SPSB1: variants seen among roughly 807,000 people sequenced by gnomAD.
SPSB1 encodes SPRY domain-containing SOCS box protein 1.
SPSB1 carries 8 observed loss-of-function variants against 21.2 expected under a neutral mutation model. That is an observed-to-expected ratio of 0.38 (90% CI 0.22 to 0.68). The LOEUF is 0.68. Ranked by LOEUF, SPSB1 falls within the 30% of genes least tolerant of loss-of-function variation. The pLI is 0.53. For missense variants in SPSB1, 242 were observed against 377.8 expected (o/e 0.64, Z 2.98); for synonymous variants, 169 against 161.7 (o/e 1.05, Z -0.34).
rs111402956 is a variant in SPSB1, at chr1:9,348,225, G to A, written c.-149-7518G>A. Among the ~76,000 whole-genome samples the A allele has an allele frequency of 1.3e-4, 20 of 151,922 alleles. No homozygotes were observed. The highest frequency in any genetic ancestry group is 4.8e-4 in the African/African-American group (20 of 41,348). The stretch of plus-strand genomic sequence containing the variant: ...CTCTCAAAGTGCTGGGATTACAGGC[G>A]TGAGCCACCGCGGCAACTTTTTTTA... On this transcript the variant is annotated intron_variant, in intron 1 of 2. Transcript: ENST00000328089. This position sits in a 1 kb window ranked among gnomAD's most constrained non-coding sequence, Gnocchi z 4.8.
In SPSB1 at chr1:9,359,482, TC is replaced by T. The variant is rs1213247806; in HGVS notation, c.694+2898del. On this transcript the variant is annotated intron_variant, in intron 2 of 2. Transcript: ENST00000328089. ...ACTTTGGGAGGCTGAGGCAGGTGGA[TC>T]ATGAGGTCAGTAGTTGGAGACCAGC... is the stretch of plus-strand genomic sequence containing the variant. 2.6e-5 allele frequency among the ~76,000 whole-genome samples: 4 copies of T among 152,186 alleles called. No individual in the cohort carries two copies. In the South Asian group the frequency reaches 8.3e-4, roughly 32 times the overall value.
In SPSB1 at chr1:9,346,331, G is replaced by A. The variant is rs886911498; in HGVS notation, c.-149-9412G>A. Among the ~76,000 whole-genome samples, 20 of 152,142 alleles carry A rather than the reference G, an allele frequency of 1.3e-4. No homozygotes were observed. The highest frequency in any genetic ancestry group is 7.9e-4 in the Admixed American group (12 of 15,278). On this transcript the variant is annotated intron_variant, in intron 1 of 2. Transcript: ENST00000328089. The surrounding 1 kb of genome is among the most constrained non-coding windows in gnomAD (Gnocchi z 4.4). ...TGGTTTTACTGTTCTGGGGTCAGTCGGACACACTGTGGAGGAACTGGGTGT... is the reference window on the plus strand; with the variant it reads ...TGGTTTTACTGTTCTGGGGTCAGTCAGACACACTGTGGAGGAACTGGGTGT...
rs1640506498 is a variant in SPSB1, at chr1:9,363,105, A to AT, written c.695-4337dup. 6.6e-6 allele frequency among the ~76,000 whole-genome samples: 1 copy of AT among 152,082 alleles called. No homozygotes were observed. Among genetic ancestry groups the AT allele is most frequent in the South Asian group, 2.1e-4 (1 of 4,814 alleles). The stretch of plus-strand genomic sequence containing the variant: ...TGACCAGCTGAAATGGGGGCTGGGC[A>AT]TTTTTTCACGGCACGAAGCCCACGT... On this transcript the variant is annotated intron_variant, in intron 2 of 2. Transcript: ENST00000328089. The surrounding 1 kb of genome is among the most constrained non-coding windows in gnomAD (Gnocchi z 4.5).
chr1:9,322,894 C>T (rs1639744193), intron 1 of SPSB1, among the ~76,000 whole-genome samples: 1 of 142,426 alleles, frequency 7.0e-6, no homozygotes, highest in Non-Finnish European at 1.5e-5. Flanking sequence ...ACGCTCTTCT[C>T]AGCCCCTTTT....
At chr1:9,316,138 C>T (rs1405469568) in intron 1 of SPSB1, among the ~76,000 whole-genome samples, 2 of 152,302 alleles carry the variant, frequency 1.3e-5, no homozygotes, top group East Asian at 1.9e-4. Context: ...CTTCCTGACT[C>T]AGCCTTGCCC....
At chr1:9,349,032 G>A (rs1168290444) in intron 1 of SPSB1, among the ~76,000 whole-genome samples, 2 of 152,124 alleles carry the variant, frequency 1.3e-5, no homozygotes, top group African/African-American at 4.8e-5. Context: ...GGGAGAAGAA[G>A]TTCACTGAAG....
rs114205027 is a variant in SPSB1 at position 9,327,096 on chromosome 1, C to T, written c.-149-28647C>T. On this transcript the variant is annotated intron_variant, in intron 1 of 2. Transcript: ENST00000328089. ...TTCTTAGATGCATCTGCCGTCGTTT[C>T]GTGGGGAAGAGACTAGCACAACCCC... 5.3e-4 allele frequency among the ~76,000 whole-genome samples: 80 copies of T among 152,234 alleles called. No individual in the cohort carries two copies. The East Asian group carries it at 0.012, about 23-fold the overall frequency.
At chr1:9,337,863 G>A (rs1640029038) in intron 1 of SPSB1, among the ~76,000 whole-genome samples, 1 of 152,214 alleles carries the variant, frequency 6.6e-6, no homozygotes, top group Non-Finnish European at 1.5e-5. Context: ...AGATCAGCAT[G>A]GGGAAAAACA....
At chr1:9,297,256 T>G (rs1639241051) in intron 1 of SPSB1, among the ~76,000 whole-genome samples, 1 of 152,146 alleles carries the variant, frequency 6.6e-6, no homozygotes, top group African/African-American at 2.4e-5. Flanking sequence ...CTTGGAAAAC[T>G]AGGGAGGCAT....
chr1:9,337,263 TC>T (rs1429996576), intron 1 of SPSB1, among the ~76,000 whole-genome samples: 1 of 151,894 alleles, frequency 6.6e-6, no homozygotes, highest in Non-Finnish European at 1.5e-5. Flanking sequence ...TCAATGGCCT[TC>T]CCCCTCCAAG....
At chr1:9,337,661 A>G (rs1640025800) in intron 1 of SPSB1, among the ~76,000 whole-genome samples, 1 of 152,206 alleles carries the variant, frequency 6.6e-6, no homozygotes, top group African/African-American at 2.4e-5. Context: ...GCATCCGCTC[A>G]GAGCCTCAGG....
chr1:9,336,146 G>A (rs1168415984), intron 1 of SPSB1, among the ~76,000 whole-genome samples: 1 of 152,132 alleles, frequency 6.6e-6, no homozygotes, highest in Admixed American at 6.5e-5. Context: ...CTCTCATGTT[G>A]TTGGTTTGAA....
At chr1:9,331,289 G>GT (rs33941706) in intron 1 of SPSB1, among the ~76,000 whole-genome samples, 126,739 of 145,498 alleles carry the variant, frequency 0.87, 55,307 homozygotes, top group African/African-American at 0.91. Flanking sequence ...ATAAATACCC[G>GT]TTATGGATCT....
intron 1 of SPSB1, among the ~76,000 whole-genome samples, chr1:9,294,164 C>T (rs1340718421): frequency 2.8e-5 from 4 of 144,078 alleles, no homozygotes; most frequent in Non-Finnish European, 6.2e-5. Context: ...AAGTTTGTGT[C>T]TCTGAGTGTC....
At chr1:9,313,028 A>G (rs1251217790) in intron 1 of SPSB1, among the ~76,000 whole-genome samples, 1 of 152,238 alleles carries the variant, frequency 6.6e-6, no homozygotes, top group African/African-American at 2.4e-5. Context: ...CTTTCCACAC[A>G]TTAACTTACT....
chr1:9,355,201 C>T (rs1428344355), intron 1 of SPSB1, among the ~76,000 whole-genome samples: 1 of 152,220 alleles, frequency 6.6e-6, no homozygotes, highest in Non-Finnish European at 1.5e-5. Flanking sequence ...CACCAGAAGG[C>T]CCTTTTCTGC....
chr1:9,296,420 A>C (rs996885024), intron 1 of SPSB1, among the ~76,000 whole-genome samples: 2 of 152,380 alleles, frequency 1.3e-5, no homozygotes, highest in Admixed American at 6.5e-5. Context: ...TTCAAGAAGC[A>C]TGGGCTCATT....
At chr1:9,301,322 G>GC (rs1162531027) in intron 1 of SPSB1, among the ~76,000 whole-genome samples, 3 of 151,908 alleles carry the variant, frequency 2.0e-5, no homozygotes, top group Non-Finnish European at 4.4e-5. Flanking sequence ...GAGACTCCCC[G>GC]CCCCCGCCAT....
At chr1:9,341,485 T>G (rs929941238) in intron 1 of SPSB1, among the ~76,000 whole-genome samples, 1 of 152,246 alleles carries the variant, frequency 6.6e-6, no homozygotes, top group African/African-American at 2.4e-5. Context: ...ACTTTTGGAA[T>G]GAATTCCAGC....
Sources: allele counts gnomAD v4.1 joint callset (sites outside exome capture counted in the v4.1 genomes callset), GRCh38; gene constraint gnomAD v4.1.1; non-coding constraint Gnocchi (gnomAD v3.1); transcripts MANE v1.5; gene names NCBI Gene and HGNC (gene_info 2026-07-23, HGNC 2026-07-21).